GALNT17: variants seen among roughly 807,000 people sequenced by gnomAD.
GALNT17 encodes UDP-GalNAc:polypeptide N-acetylgalactosaminyltransferase-like 3.
In GALNT17, 29 loss-of-function variants were observed where a neutral mutation model predicts 63.7. That is an observed-to-expected ratio of 0.46 (90% CI 0.34 to 0.62). The LOEUF (loss-of-function observed/expected upper bound fraction) is 0.62, where lower values mean the gene tolerates loss of function less well. GALNT17 is among the 20% of genes least tolerant of loss of function. The pLI, the probability that GALNT17 is intolerant of heterozygous loss-of-function variation, is 0.01. For synonymous variants in GALNT17, 305 were observed against 318.3 expected (o/e 0.96, Z 0.45); for missense variants, 603 against 799.6 (o/e 0.75, Z 2.97).
At chr7:71,424,797 A>G (rs1475868332) in intron 5 of GALNT17, among the ~76,000 whole-genome samples, 2 of 152,210 alleles carry the variant, frequency 1.3e-5, no homozygotes, top group Admixed American at 6.6e-5. Context: ...CTGTGAAGCC[A>G]ACATTTTAAT....
intron 5 of GALNT17, among the ~76,000 whole-genome samples, chr7:71,439,977 A>C (rs1583954916): frequency 3.3e-5 from 4 of 120,590 alleles, no homozygotes; most frequent in Admixed American, 1.0e-4. Flanking sequence ...ACAGAATTTC[A>C]CTCTGTCACC....
At chr7:71,495,739 T>A (rs1788083700) in intron 5 of GALNT17, among the ~76,000 whole-genome samples, 1 of 152,166 alleles carries the variant, frequency 6.6e-6, no homozygotes, top group African/African-American at 2.4e-5. Context: ...TCTGCTTGAA[T>A]TGGGCATCGT....
intron 4 of GALNT17, among the ~76,000 whole-genome samples, chr7:71,417,378 G>A (rs1007539407): frequency 5.9e-5 from 9 of 152,096 alleles, no homozygotes; most frequent in Non-Finnish European, 1.2e-4. Flanking sequence ...CATCTCGGCC[G>A]CCAATTTTCC....
chr7:71,357,694 G>T (rs1583886221), intron 2 of GALNT17, among the ~76,000 whole-genome samples: 1 of 152,138 alleles, frequency 6.6e-6, no homozygotes, highest in Non-Finnish European at 1.5e-5. Flanking sequence ...ATCATTTGAG[G>T]TCGGGAGTTC....
chr7:71,324,672 G>A lies in GALNT17; in HGVS notation c.239-10878G>A, dbSNP rs1474491952. On this transcript the variant is annotated intron_variant, in intron 1 of 10. Coordinates refer to ENST00000333538, the MANE Select transcript of GALNT17 (RefSeq NM_022479.3). The stretch of plus-strand genomic sequence containing the variant: ...GACCTTGTCTCAAAAAAAGGAGTTA[G>A]CACCAAGAGTCATTTGAGTAACAAT... Among the ~76,000 whole-genome samples, 3 of 151,910 alleles carry A rather than the reference G, an allele frequency of 2.0e-5. No homozygotes were observed. The South Asian group carries it at 6.3e-4, about 32-fold the overall frequency.
In GALNT17 at chr7:71,546,037, A is replaced by G. The variant is rs115439910; in HGVS notation, c.963-25248A>G. On this transcript the variant is annotated intron_variant, in intron 5 of 10. Transcript: ENST00000333538. ...TACTTTGGGAGGCCAAGGCAGGAGG[A>G]TTGCTTGAGCCCAGGAGTTTAAGAC... 4.2e-3 allele frequency among the ~76,000 whole-genome samples: 634 copies of G among 152,182 alleles called. 9 individuals are homozygous for G. The highest frequency in any genetic ancestry group is 0.014 in the African/African-American group (602 of 41,544).
chr7:71,408,925 T>C (rs1420711891), intron 3 of GALNT17, among the ~76,000 whole-genome samples: 1 of 151,698 alleles, frequency 6.6e-6, no homozygotes, highest in Non-Finnish European at 1.5e-5. Flanking sequence ...TGTATGTATG[T>C]ATTTATATGT....
At chr7:71,224,613 G>T (rs982162359) in intron 1 of GALNT17, among the ~76,000 whole-genome samples, 4 of 152,120 alleles carry the variant, frequency 2.6e-5, no homozygotes, top group Non-Finnish European at 1.5e-5. Flanking sequence ...CAAACCACGA[G>T]AACACCTTTT....
At chr7:71,566,752 A>G (rs1036907839) in intron 5 of GALNT17, among the ~76,000 whole-genome samples, 2 of 151,778 alleles carry the variant, frequency 1.3e-5, no homozygotes, top group African/African-American at 2.4e-5. Context: ...AAGAACGGAA[A>G]CTTATCTAAC....
intron 1 of GALNT17, among the ~76,000 whole-genome samples, chr7:71,177,824 T>A (rs142164148): frequency 6.6e-6 from 1 of 152,344 alleles, no homozygotes; most frequent in African/African-American, 2.4e-5. Context: ...ACATTTACTT[T>A]TATCAAGAAA....
intron 6 of GALNT17, among the ~76,000 whole-genome samples, chr7:71,653,486 G>A (rs4719157): frequency 0.91 from 137,852 of 151,906 alleles, 64,050 homozygotes; most frequent in South Asian, 1. Flanking sequence ...GCTTATTGCA[G>A]CCTCTGCCTC....
intron 9 of GALNT17, among the ~76,000 whole-genome samples, chr7:71,683,836 C>T (rs956385830): frequency 4.0e-5 from 6 of 151,836 alleles, no homozygotes; most frequent in Non-Finnish European, 7.4e-5. Context: ...GATGAAACCT[C>T]GTCTCTACTA....
At chr7:71,620,664 G>A (rs754755746) in intron 6 of GALNT17, among the ~76,000 whole-genome samples, 26 of 152,122 alleles carry the variant, frequency 1.7e-4, no homozygotes, top group Non-Finnish European at 3.4e-4. Flanking sequence ...TAATGTATTC[G>A]TGTAATTTTC....
intron 1 of GALNT17, among the ~76,000 whole-genome samples, chr7:71,229,157 A>G (rs1431709369): frequency 6.6e-6 from 1 of 152,102 alleles, no homozygotes; most frequent in Non-Finnish European, 1.5e-5. Context: ...TTCTTGGAGG[A>G]GATATAGCCA....
At chr7:71,320,884 C>G (rs944764968) in intron 1 of GALNT17, among the ~76,000 whole-genome samples, 1 of 152,148 alleles carries the variant, frequency 6.6e-6, no homozygotes, top group African/African-American at 2.4e-5. Flanking sequence ...CTCAAAATCT[C>G]TAATCACTGG....
intron 1 of GALNT17, among the ~76,000 whole-genome samples, chr7:71,333,508 G>A (rs1484838191): frequency 6.6e-6 from 1 of 152,052 alleles, no homozygotes; most frequent in African/African-American, 2.4e-5. Flanking sequence ...CTTAGGAGTG[G>A]AATTGCTGGG....
intron 2 of GALNT17, among the ~76,000 whole-genome samples, chr7:71,372,493 T>C (rs181615483): frequency 2.0e-5 from 3 of 152,130 alleles, no homozygotes; most frequent in Admixed American, 2.0e-4. Flanking sequence ...AGATAGAATC[T>C]TGCTCTGTTA....
chr7:71,451,362 G>C (rs928261643), intron 5 of GALNT17, among the ~76,000 whole-genome samples: 2 of 152,182 alleles, frequency 1.3e-5, no homozygotes, highest in African/African-American at 4.8e-5. Flanking sequence ...CTCTGTCGCA[G>C]AAAGTTTTCT....
rs980620547 is a variant in GALNT17 at position 71,412,508 on chromosome 7, G to A, written c.590-3381G>A. ...TGCCTCAGCCCCGCTGAGAGGCTGG[G>A]ATTACATATGCCCGCCACCACACCC... On this transcript the variant is annotated intron_variant, in intron 3 of 10. Coordinates refer to ENST00000333538, the MANE Select transcript of GALNT17 (RefSeq NM_022479.3). 3.9e-5 allele frequency among the ~76,000 whole-genome samples: 6 copies of A among 152,148 alleles called. No homozygotes were observed. The East Asian group carries it at 5.8e-4, about 15-fold the overall frequency.
Sources: allele counts gnomAD v4.1 joint callset (sites outside exome capture counted in the v4.1 genomes callset), GRCh38; gene constraint gnomAD v4.1.1; transcripts MANE v1.5; gene names NCBI Gene and HGNC (gene_info 2026-07-23, HGNC 2026-07-21).